EBF3: variants seen among roughly 807,000 people sequenced by gnomAD.
EBF3 encodes transcription factor COE3.
EBF3 carries 18 observed loss-of-function variants against 77.1 expected under a neutral mutation model. The ratio of observed to expected loss-of-function variants is 0.23; its 90% CI spans 0.16 to 0.35. The LOEUF is 0.35. Among genes scored for constraint, EBF3 ranks in the 10% least tolerant of loss-of-function variants. The pLI is 1.00. For synonymous variants in EBF3, 350 were observed against 343.5 expected, an observed-to-expected ratio of 1.02 and a Z score of -0.21; for missense variants, 558 against 860.0, an observed-to-expected ratio of 0.65 and a Z score of 4.39.
rs995490514 is a variant in EBF3 at position 129,864,372 on chromosome 10, A to C, written c.1039+2769T>G. Among the ~76,000 whole-genome samples, 1 of 152,160 alleles carries C rather than the reference A, an allele frequency of 6.6e-6. No individual in the cohort carries two copies. Among genetic ancestry groups the C allele is most frequent in the Admixed American group, 6.5e-5 (1 of 15,276 alleles). ...GCTCCTCCCACCCTACACATCCGCA[A>C]CTGTCTCCAAATGCACAGCCCAAGG... On this transcript the variant is annotated intron_variant, in intron 10 of 16. Transcript: ENST00000440978. The surrounding 1 kb of genome is among the most constrained non-coding windows in gnomAD (Gnocchi z 4.4).
intron 6 of EBF3, among the ~76,000 whole-genome samples, chr10:129,955,753 C>T (rs1165382416): frequency 6.6e-6 from 1 of 152,216 alleles, no homozygotes; most frequent in Non-Finnish European, 1.5e-5. Flanking sequence ...CTAGAAGTCT[C>T]ACACTTTATA....
rs1849677853 is a variant in EBF3 at position 129,837,435 on chromosome 10, T to C, written c.*508A>G. 1 of 152,972 alleles carries C rather than the reference T, an allele frequency of 6.5e-6. No individual in the cohort carries two copies. The highest frequency in any genetic ancestry group is 1.4e-5 in the Non-Finnish European group (1 of 69,450). 9.5% of individuals were successfully genotyped at this position (152,972 alleles called of 1,614,324 possible). On this transcript the variant is annotated 3_prime_UTR_variant, in exon 17 of 17. Transcript: ENST00000440978. ...TCCTTTTTTCCAGTCTGATGGCTCA[T>C]ACCTCCTTGGCCCTCTTTTTATCAC...
intron 6 of EBF3, among the ~76,000 whole-genome samples, chr10:129,883,341 G>A (rs73381779): frequency 6.6e-6 from 1 of 152,222 alleles, no homozygotes; most frequent in Non-Finnish European, 1.5e-5. Flanking sequence ...TCCCGTGCCT[G>A]GGTTCCAGCC....
At position 129,837,312 on chromosome 10, in the gene EBF3, C is replaced by T. The variant is rs1849668976; in HGVS notation, c.*631G>A. On this transcript the variant is annotated 3_prime_UTR_variant, in exon 17 of 17. Transcript: ENST00000440978. ...ATATCAAAGTTACAATTTCTAACTA[C>T]AATAAGTTACAAAGTTTCATTTCAT... 1 of 152,610 alleles carries T rather than the reference C, an allele frequency of 6.6e-6. No homozygotes were observed. The highest frequency in any genetic ancestry group is 2.1e-4 in the South Asian group (1 of 4,826). The allele number at this position is 152,610 out of a possible 1,614,324, so 9.5% of individuals were successfully genotyped here.
At position 129,837,610 on chromosome 10, in the gene EBF3, T is replaced by C; in HGVS notation, c.*333A>G. ...GTTTCTCCCAACACATAGCAATTAC[T>C]AGACATGGCCAAGACGGAGTCGGAA... On this transcript the variant is annotated 3_prime_UTR_variant, in exon 17 of 17. Transcript: ENST00000440978. 3.2e-6 allele frequency: 1 copy of C among 316,820 alleles called. No homozygotes were observed. Among genetic ancestry groups the C allele is most frequent in the Non-Finnish European group, 5.8e-6 (1 of 171,280 alleles). 19.6% of individuals were successfully genotyped at this position (316,820 alleles called of 1,614,324 possible). A position where few individuals can be genotyped will look rare whatever the true frequency, so the allele number is the denominator to read the frequency against.
In EBF3 at chr10:129,892,642, CATAA is replaced by C. The variant is rs1387358952; in HGVS notation, c.555-14797_555-14794del. Among the ~76,000 whole-genome samples, 19 of 152,204 alleles carry C rather than the reference CATAA, an allele frequency of 1.2e-4. 1 individual carries two copies. The highest frequency in any genetic ancestry group is 1.0e-3 in the Admixed American group (16 of 15,276). On this transcript the variant is annotated intron_variant, in intron 6 of 16. Coordinates refer to ENST00000440978, the MANE Select transcript of EBF3 (RefSeq NM_001375380.1). ...GAGGGTCATAGCTACGAACCAGCTA[CATAA>C]ATAGAGTATGATTAGTCCATGTCTA...
chr10:129,887,064 G>A (rs1274833207), intron 6 of EBF3, among the ~76,000 whole-genome samples: 1 of 107,202 alleles, frequency 9.3e-6, no homozygotes, highest in African/African-American at 3.3e-5. Flanking sequence ...CGGGGGGGGG[G>A]GGGAGGTGAA....
At chr10:129,853,683 T>TGAAC (rs1851049250) in intron 10 of EBF3, among the ~76,000 whole-genome samples, 5 of 152,218 alleles carry the variant, frequency 3.3e-5, no homozygotes, top group Admixed American at 2.0e-4. Flanking sequence ...TGTGCCTGAA[T>TGAAC]GAACACAGGT....
chr10:129,914,005 G>A (rs180788163), intron 6 of EBF3, among the ~76,000 whole-genome samples: 25 of 152,358 alleles, frequency 1.6e-4, no homozygotes, highest in Admixed American at 1.4e-3. Flanking sequence ...GCAAGAGCAA[G>A]GCCTGGTGGT....
Position 129,938,158 on chromosome 10 carries a change from G to GCTAGCCCCC in EBF3, c.554+19091_554+19099dup, listed in dbSNP as rs1464860046. On this transcript the variant is annotated intron_variant, in intron 6 of 16. Transcript: ENST00000440978. The surrounding 1 kb of genome is among the most constrained non-coding windows in gnomAD (Gnocchi z 5.1). ...TGCTCCTGCTGAGTTTTTGTGCGAG[G>GCTAGCCCCC]CTAGCCCCCCGCATGAGGCTTCATC... Among the ~76,000 whole-genome samples, 1 of 152,104 alleles carries GCTAGCCCCC rather than the reference G, an allele frequency of 6.6e-6. No individual in the cohort carries two copies. Among genetic ancestry groups the GCTAGCCCCC allele is most frequent in the African/African-American group, 2.4e-5 (1 of 41,404 alleles).
intron 10 of EBF3, among the ~76,000 whole-genome samples, chr10:129,862,202 A>G (rs906416321): frequency 2.0e-5 from 3 of 152,222 alleles, no homozygotes; most frequent in Admixed American, 2.0e-4. Context: ...ATCAGAAAGA[A>G]CAGAAACTGT....
intron 6 of EBF3, 150 bp from the exon 7 acceptor site, chr10:129,877,999 T>G (rs1178490464): frequency 1.6e-6 from 1 of 638,418 alleles, no homozygotes; most frequent in East Asian, 2.8e-5. Flanking sequence ...GAAGAGGCTC[T>G]GGGAGAGGCG....
chr10:129,864,732 C>T lies in EBF3; in HGVS notation c.1039+2409G>A, dbSNP rs534865296. ...ACAAACCAGGACCCCGCAGCAGACA[C>T]AGGCACCTACACAGGAGCCCACCCC... On this transcript the variant is annotated intron_variant, in intron 10 of 16. Transcript: ENST00000440978. The surrounding 1 kb of genome is among the most constrained non-coding windows in gnomAD (Gnocchi z 4.4). 6.6e-6 allele frequency among the ~76,000 whole-genome samples: 1 copy of T among 152,324 alleles called. No homozygotes were observed. The highest frequency in any genetic ancestry group is 2.4e-5 in the African/African-American group (1 of 41,570).
rs1858327553 is a variant in EBF3, at chr10:129,947,661, C to A, written c.554+9597G>T. ...AAAGTTAAAATGTTTTCATTTCTTT[C>A]TTTGCAAAGGAACCAAATGCTTTGA... is the stretch of plus-strand genomic sequence containing the variant. On this transcript the variant is annotated intron_variant, in intron 6 of 16. Coordinates refer to ENST00000440978, the MANE Select transcript of EBF3 (RefSeq NM_001375380.1). The surrounding 1 kb of genome is among the most constrained non-coding windows in gnomAD (Gnocchi z 4.5). 6.7e-6 allele frequency among the ~76,000 whole-genome samples: 1 copy of A among 149,438 alleles called. No homozygotes were observed. Among genetic ancestry groups the A allele is most frequent in the Admixed American group, 6.7e-5 (1 of 14,992 alleles).
chr10:129,848,328 C>T lies in EBF3; in HGVS notation c.1128+64G>A. On this transcript the variant is annotated intron_variant, in intron 11 of 16. Transcript: ENST00000440978. The surrounding 1 kb of genome is among the most constrained non-coding windows in gnomAD (Gnocchi z 4.4). ...CCCTTCCCAGAGCACCTGCTGCCCC[C>T]AAACCAGAACCAGCCCAGTGGCGGC... The T allele has an allele frequency of 6.5e-7, 1 of 1,543,686 alleles. No individual in the cohort carries two copies. The highest frequency in any genetic ancestry group is 1.1e-5 in the South Asian group (1 of 89,712).
chr10:129,860,065 T>C (rs1851511967), intron 10 of EBF3, among the ~76,000 whole-genome samples: 2 of 152,156 alleles, frequency 1.3e-5, no homozygotes, highest in South Asian at 4.2e-4. Context: ...TAATTTTACA[T>C]GTTATTATCC....
At chr10:129,865,474 T>G (rs1053381267) in intron 10 of EBF3, among the ~76,000 whole-genome samples, 7 of 152,196 alleles carry the variant, frequency 4.6e-5, no homozygotes, top group Non-Finnish European at 7.3e-5. Flanking sequence ...CCACCTCCCC[T>G]GTGGTCTTCT....
intron 6 of EBF3, among the ~76,000 whole-genome samples, chr10:129,893,220 T>A (rs1020826449): frequency 9.2e-5 from 14 of 152,132 alleles, no homozygotes; most frequent in Non-Finnish European, 1.9e-4. Flanking sequence ...CAATAAGGAG[T>A]AAATAAAGAT....
chr10:129,885,177 G>A lies in EBF3; in HGVS notation c.555-7328C>T, dbSNP rs1259239093. 1.3e-5 allele frequency among the ~76,000 whole-genome samples: 2 copies of A among 152,118 alleles called. No individual in the cohort carries two copies. Among genetic ancestry groups the A allele is most frequent in the East Asian group, 1.9e-4 (1 of 5,190 alleles). Reference sequence around the variant, plus strand: ...ATAGATACCATGATCTTGTACTTTTGCAATGATTCTCATTAAAATGATGCC... The same window carrying A: ...ATAGATACCATGATCTTGTACTTTTACAATGATTCTCATTAAAATGATGCC... On this transcript the variant is annotated intron_variant, in intron 6 of 16. Transcript: ENST00000440978. The surrounding 1 kb of genome is among the most constrained non-coding windows in gnomAD (Gnocchi z 4.0).
Sources: gnomAD v4.1 joint callset for allele counts (sites outside exome capture counted in the v4.1 genomes callset) on GRCh38, gnomAD v4.1.1 for gene constraint, Gnocchi (gnomAD v3.1) non-coding constraint, MANE v1.5 for transcripts, NCBI Gene and HGNC (gene_info 2026-07-23, HGNC 2026-07-21) for gene names.